The following MAP3K15 variants were observed in gnomAD, a reference collection of about 807,000 sequenced individuals.
MAP3K15 encodes the protein mitogen-activated protein kinase kinase kinase 15.
A neutral mutation model predicts 99.5 loss-of-function variants in MAP3K15; 124 were observed. The ratio of observed to expected loss-of-function variants is 1.25; its 90% CI spans 1.08 to 1.45. The LOEUF is 1.45. MAP3K15 is among the 40% of genes most tolerant of loss of function. MAP3K15 has a pLI of 0.00. For missense variants in MAP3K15, 1,242 were observed against 1,079.7 expected (o/e 1.15, Z -2.11); for synonymous variants, 494 against 439.6 (o/e 1.12, Z -1.55).
At chrX:19,406,621 G>A (rs1314554529) in intron 13 of MAP3K15, among the ~76,000 whole-genome samples, 1 of 112,609 alleles carries the variant, frequency 8.9e-6, no homozygotes, top group Non-Finnish European at 1.9e-5. Context: ...TGTGTTTCTT[G>A]TGGGGGTGAC....
intron 1 of MAP3K15, among the ~76,000 whole-genome samples, chrX:19,491,369 C>A (rs2064367453): frequency 9.0e-6 from 1 of 111,206 alleles, no homozygotes; most frequent in Non-Finnish European, 1.9e-5. Flanking sequence ...GAACAGAGCA[C>A]CCCCAGGAGG....
At chrX:19,496,210 G>A (rs2064400923) in intron 1 of MAP3K15, among the ~76,000 whole-genome samples, 1 of 109,695 alleles carries the variant, frequency 9.1e-6, no homozygotes, top group African/African-American at 3.3e-5. Flanking sequence ...GGGACTACAG[G>A]TGTGCACCAC....
At chrX:19,457,975 T>A (rs1167727916) in intron 5 of MAP3K15, among the ~76,000 whole-genome samples, 2 of 111,972 alleles carry the variant, frequency 1.8e-5, no homozygotes. Context: ...TGCTCTAAAC[T>A]CTGCATAATT....
At position 19,398,254 on chromosome X, in the gene MAP3K15, T is replaced by C; in HGVS notation, c.2038A>G (p.Ile680Val). ...RDLSNQVRIA[I>V]KEIPERDSRY... ...CTATCTCTCTCCGGGATTTCTTTGATGGCTATTCGCACTTGATTGCTCAGA... is the reference window on the plus strand; with the variant it reads ...CTATCTCTCTCCGGGATTTCTTTGACGGCTATTCGCACTTGATTGCTCAGA... The change falls in exon 15 of 29, where the codon ATC becomes GTC. Residue 680 changes from isoleucine (I) to valine (V), a missense_variant. Coordinates refer to ENST00000338883, the MANE Select transcript of MAP3K15 (RefSeq NM_001001671.4). 8.3e-7 allele frequency: 1 copy of C among 1,211,478 alleles called. No homozygotes were observed. Among genetic ancestry groups the C allele is most frequent in the East Asian group, 3.0e-5 (1 of 33,833 alleles).
intron 9 of MAP3K15, among the ~76,000 whole-genome samples, chrX:19,424,319 CATATAT>C (rs754188009): frequency 3.8e-5 from 4 of 103,974 alleles, no homozygotes; most frequent in Non-Finnish European, 7.8e-5. Flanking sequence ...CATATATATA[CATATAT>C]ATATATATTT....
intron 6 of MAP3K15, among the ~76,000 whole-genome samples, chrX:19,451,567 G>A (rs762121659): frequency 9.2e-6 from 1 of 108,632 alleles, no homozygotes; most frequent in East Asian, 2.9e-4. Context: ...CCAACAAGCA[G>A]ATGAAAAGAT....
intron 9 of MAP3K15, among the ~76,000 whole-genome samples, chrX:19,419,757 C>T (rs985005576): frequency 4.5e-5 from 5 of 111,954 alleles, no homozygotes; most frequent in African/African-American, 9.8e-5. Context: ...CACCACACTG[C>T]ACTTATTTCA....
chrX:19,417,859 T>C (rs965706242), intron 9 of MAP3K15, among the ~76,000 whole-genome samples: 4 of 111,747 alleles, frequency 3.6e-5, no homozygotes, highest in Non-Finnish European at 5.6e-5. Context: ...AGAGGAATGA[T>C]CAGGCAACAA....
intron 6 of MAP3K15, among the ~76,000 whole-genome samples, chrX:19,436,254 C>T (rs1218202941): frequency 9.0e-6 from 1 of 111,157 alleles, no homozygotes; most frequent in Non-Finnish European, 1.9e-5. Flanking sequence ...TCATGCTGGA[C>T]TTTCTGCGTC....
intron 3 of MAP3K15, among the ~76,000 whole-genome samples, chrX:19,473,657 C>T (rs977582988): frequency 9.0e-6 from 1 of 111,663 alleles, no homozygotes; most frequent in African/African-American, 3.3e-5. Context: ...AAGTCAGAGG[C>T]CCAAGGAAAA....
intron 3 of MAP3K15, among the ~76,000 whole-genome samples, chrX:19,477,243 G>A (rs763536325): frequency 3.6e-5 from 4 of 111,143 alleles, no homozygotes; most frequent in African/African-American, 9.8e-5. Flanking sequence ...ATATTCAAGA[G>A]GTGCAGAGAA....
chrX:19,508,413 C>T (rs2064494493), intron 1 of MAP3K15, among the ~76,000 whole-genome samples: 1 of 112,190 alleles, frequency 8.9e-6, no homozygotes, highest in African/African-American at 3.2e-5. Flanking sequence ...CTCAGGTGAT[C>T]CACCTACCTC....
At position 19,360,154 on chromosome X, in the gene MAP3K15, ACATAAC is replaced by A. The variant is rs2063263554; in HGVS notation, c.*589_*594del. The A allele has an allele frequency of 6.5e-6, 1 of 153,950 alleles. No individual in the cohort carries two copies. The highest frequency in any genetic ancestry group is 1.3e-5 in the Non-Finnish European group (1 of 79,694). 12.7% of individuals were successfully genotyped at this position (153,950 alleles called of 1,213,427 possible). On this transcript the variant is annotated 3_prime_UTR_variant, in exon 29 of 29. Transcript: ENST00000338883. Reference sequence around the variant, plus strand: ...CAATTTTGTAATCATTTCAAAGGCCACATAACTTAGTTTTCTCTACTTACACATTCA... The same window carrying A: ...CAATTTTGTAATCATTTCAAAGGCCATTAGTTTTCTCTACTTACACATTCA...
chrX:19,462,531 T>C (rs1280990714), intron 4 of MAP3K15, among the ~76,000 whole-genome samples: 1 of 111,535 alleles, frequency 9.0e-6, no homozygotes, highest in Non-Finnish European at 1.9e-5. Flanking sequence ...TTCAGCCTTA[T>C]TTTTCAAGGG....
chrX:19,406,360 T>C (rs891053427), intron 13 of MAP3K15, among the ~76,000 whole-genome samples: 2 of 112,538 alleles, frequency 1.8e-5, no homozygotes, highest in African/African-American at 3.2e-5. Flanking sequence ...AACTGTGGTA[T>C]AGCCATACAA....
At chrX:19,473,178 A>G (rs2064219084) in intron 3 of MAP3K15, among the ~76,000 whole-genome samples, 1 of 112,434 alleles carries the variant, frequency 8.9e-6, no homozygotes, top group Non-Finnish European at 1.9e-5. Context: ...GACTTTGGGA[A>G]GGTAAAAATA....
In MAP3K15 at chrX:19,514,949, C is replaced by T; in HGVS notation, c.313G>A (p.Glu105Lys). The stretch of plus-strand genomic sequence containing the variant: ...ACGGCCGTCTCCCCGAAGTCCAGCT[C>T]CCCGAAGGGCACGGAGGTGAGGTGA... Reference protein sequence around the residue: ...GAHLTSVPFGELDFGETAVLD... With the variant: ...GAHLTSVPFGKLDFGETAVLD... The change falls in exon 1 of 29, where the codon GAG becomes AAG. Residue 105 changes from glutamate (E) to lysine (K), a missense_variant. Transcript: ENST00000338883. 8.7e-7 allele frequency: 1 copy of T among 1,151,718 alleles called. No individual in the cohort carries two copies. The highest frequency in any genetic ancestry group is 1.1e-6 in the Non-Finnish European group (1 of 870,611). The allele number at this position is 1,151,718 out of a possible 1,213,427, so 94.9% of individuals were successfully genotyped here. A position where few individuals can be genotyped will look rare whatever the true frequency, so the allele number is the denominator to read the frequency against.
rs1030050873 is a variant in MAP3K15 at position 19,395,069 on chromosome X, G to C, written c.2194+12C>G. On this transcript the variant is annotated intron_variant, in intron 16 of 28. Transcript: ENST00000338883. ...TTTCAGAATGTGAGACCAGAAGACAGCGACTACTCACCTCCAGGCACCTGC... is the reference window on the plus strand; with the variant it reads ...TTTCAGAATGTGAGACCAGAAGACACCGACTACTCACCTCCAGGCACCTGC... 13 of 1,204,430 alleles carry C rather than the reference G, an allele frequency of 1.1e-5. No individual in the cohort carries two copies. Among genetic ancestry groups the C allele is most frequent in the Non-Finnish European group, 1.2e-5 (11 of 891,083 alleles).
At chrX:19,435,879 C>T (rs963498573) in intron 6 of MAP3K15, among the ~76,000 whole-genome samples, 1 of 112,426 alleles carries the variant, frequency 8.9e-6, no homozygotes, top group Non-Finnish European at 1.9e-5. Flanking sequence ...GGAGGCTGGG[C>T]GTGGTGGCTC....
Sources: gnomAD v4.1 joint callset for allele counts (sites outside exome capture counted in the v4.1 genomes callset) on GRCh38, gnomAD v4.1.1 for gene constraint, MANE v1.5 for transcripts, NCBI Gene and HGNC (gene_info 2026-07-23, HGNC 2026-07-21) for gene names.